RAB27A: variants seen among roughly 807,000 people sequenced by gnomAD.
RAB27A encodes ras-related protein Rab-27A.
Under a neutral mutation model 20.8 loss-of-function variants are expected in RAB27A, and 17 were observed. That is an observed-to-expected ratio of 0.82 (90% CI 0.56 to 1.23). RAB27A has a LOEUF of 1.23. Ranked by LOEUF, RAB27A falls within the 50% of genes most tolerant of loss-of-function variation. The pLI is 0.00. For missense variants in RAB27A, 277 were observed against 266.7 expected (o/e 1.04, Z -0.27); for synonymous variants, 85 against 92.8 (o/e 0.92, Z 0.48).
At chr15:55,241,624 A>ATGTGTGTGTG (rs1555395487) in intron 2 of RAB27A, among the ~76,000 whole-genome samples, 2 of 117,664 alleles carry the variant, frequency 1.7e-5, no homozygotes, top group African/African-American at 8.7e-5. Flanking sequence ...ATATATATAT[A>ATGTGTGTGTG]TGTGTGTATA....
chr15:55,261,390 C>T (rs760572465), intron 2 of RAB27A, among the ~76,000 whole-genome samples: 2 of 151,040 alleles, frequency 1.3e-5, no homozygotes, highest in Non-Finnish European at 3.0e-5. Context: ...GAGTTAGACT[C>T]TGTCTCAAAA....
chr15:55,275,737 AC>A (rs1161262517), intron 1 of RAB27A, among the ~76,000 whole-genome samples: 7 of 152,018 alleles, frequency 4.6e-5, no homozygotes, highest in African/African-American at 1.7e-4. Flanking sequence ...TACCAAAAAA[AC>A]AACCCCCAAA....
chr15:55,294,631 T>C (rs1213098585), upstream of RAB27A, among the ~76,000 whole-genome samples: 2 of 130,910 alleles, frequency 1.5e-5, no homozygotes, highest in East Asian at 4.7e-4. Context: ...GAATAAGGAA[T>C]TGGACTCTTA....
chr15:55,264,997 C>T (rs1324842167), intron 2 of RAB27A, among the ~76,000 whole-genome samples: 1 of 152,150 alleles, frequency 6.6e-6, no homozygotes, highest in Non-Finnish European at 1.5e-5. Context: ...AATCCTAGCA[C>T]TTTGGGAGGC....
At chr15:55,257,043 C>G (rs1897105018) in intron 2 of RAB27A, among the ~76,000 whole-genome samples, 1 of 152,144 alleles carries the variant, frequency 6.6e-6, no homozygotes, top group Non-Finnish European at 1.5e-5. Flanking sequence ...AGTTCCACAT[C>G]AGGTGGAAAA....
chr15:55,232,026 G>T (rs1412602555), intron 3 of RAB27A, among the ~76,000 whole-genome samples: 1 of 152,134 alleles, frequency 6.6e-6, no homozygotes, highest in Non-Finnish European at 1.5e-5. Flanking sequence ...GCCCAGGAAA[G>T]ATCTAAAAAG....
chr15:55,287,917 T>C (rs1314476149), intron 1 of RAB27A, among the ~76,000 whole-genome samples: 1 of 152,140 alleles, frequency 6.6e-6, no homozygotes, highest in Admixed American at 6.5e-5. Context: ...ATCAATGGAA[T>C]AGAACTGACA....
chr15:55,250,973 C>T (rs767642804), intron 2 of RAB27A, among the ~76,000 whole-genome samples: 3 of 152,220 alleles, frequency 2.0e-5, no homozygotes, highest in Admixed American at 6.5e-5. Flanking sequence ...AAGACACCAA[C>T]GCCCATAGAC....
rs71297648 is a variant in RAB27A at position 55,280,503 on chromosome 15, T to TTATATATATATATATATA, written c.-143+9195_-143+9212dup. On this transcript the variant is annotated intron_variant, in intron 1 of 6. Transcript: ENST00000336787. ...TGTTGTTGTTTCTTGTGGGTATGGT[T>TTATATATATATATATATA]TATATATATATATATATATATATAC... 7.1e-4 allele frequency among the ~76,000 whole-genome samples: 98 copies of TTATATATATATATATATA among 137,886 alleles called. 1 individual carries two copies. The highest frequency in any genetic ancestry group is 2.6e-3 in the African/African-American group (92 of 34,750). 90.5% of individuals were successfully genotyped at this position (137,886 alleles called of 152,430 possible). A position where few individuals can be genotyped will look rare whatever the true frequency, so the allele number is the denominator to read the frequency against.
At chr15:55,270,874 C>G (rs546065086) in intron 1 of RAB27A, 107 of 152,370 alleles carry the variant, frequency 7.0e-4, no homozygotes, top group South Asian at 2.7e-3. Flanking sequence ...TTGCTTTTCT[C>G]CACAACCTTG....
chr15:55,270,575 C>T (rs1436967862), intron 1 of RAB27A, among the ~76,000 whole-genome samples: 1 of 152,144 alleles, frequency 6.6e-6, no homozygotes, highest in South Asian at 2.1e-4. Context: ...CTCTTTCTTC[C>T]GCCCACCTAC....
chr15:55,228,225 A>C (rs973864714), intron 5 of RAB27A, among the ~76,000 whole-genome samples: 4 of 152,198 alleles, frequency 2.6e-5, no homozygotes, highest in African/African-American at 9.7e-5. Flanking sequence ...TACCCATTTA[A>C]TGTCCAGAGA....
At chr15:55,294,157 T>C (rs1471650847), upstream of RAB27A, among the ~76,000 whole-genome samples, 1 of 151,952 alleles carries the variant, frequency 6.6e-6, no homozygotes, top group Non-Finnish European at 1.5e-5. Flanking sequence ...ATGGTATTGA[T>C]ATAAAGACAT....
intron 2 of RAB27A, among the ~76,000 whole-genome samples, chr15:55,236,367 G>C (rs6493773): frequency 0.045 from 6,871 of 152,042 alleles, 544 homozygotes; most frequent in African/African-American, 0.16. Flanking sequence ...TATTAAGCCA[G>C]ACTTCTCTAG....
At chr15:55,288,036 TC>T (rs71437807) in intron 1 of RAB27A, among the ~76,000 whole-genome samples, 6,629 of 152,250 alleles carry the variant, frequency 0.044, 232 homozygotes, top group Middle Eastern at 0.058. Context: ...GAACTGGATA[TC>T]CACATGCAAA....
intron 2 of RAB27A, among the ~76,000 whole-genome samples, chr15:55,258,789 T>A (rs1310396368): frequency 6.6e-6 from 1 of 152,202 alleles, no homozygotes; most frequent in Non-Finnish European, 1.5e-5. Flanking sequence ...TTTCCTCTTA[T>A]TAAAATGCAC....
chr15:55,288,887 A>G (rs1206000881), intron 1 of RAB27A: 2 of 152,216 alleles, frequency 1.3e-5, no homozygotes, highest in East Asian at 1.9e-4. Context: ...GATTACAGAA[A>G]ACTTAAATAG....
At chr15:55,215,236 C>T (rs1895224393) in intron 6 of RAB27A, among the ~76,000 whole-genome samples, 1 of 152,148 alleles carries the variant, frequency 6.6e-6, no homozygotes, top group African/African-American at 2.4e-5. Flanking sequence ...TAATTTTCCT[C>T]CACAGCTCCT....
intron 6 of RAB27A, among the ~76,000 whole-genome samples, chr15:55,211,957 C>CT (rs1469365403): frequency 7.6e-6 from 1 of 131,176 alleles, no homozygotes; most frequent in African/African-American, 3.4e-5. Flanking sequence ...TGGACTATAA[C>CT]CTTTTTTTTT....
Sources: gnomAD v4.1 joint callset for allele counts (sites outside exome capture counted in the v4.1 genomes callset) on GRCh38, gnomAD v4.1.1 for gene constraint, MANE v1.5 for transcripts, NCBI Gene and HGNC (gene_info 2026-07-23, HGNC 2026-07-21) for gene names.